The following WFDC1 variants were observed in gnomAD, a reference collection of about 807,000 sequenced individuals.
WFDC1 encodes WAP four-disulfide core domain 1.
In WFDC1, 39 loss-of-function variants were observed where a neutral mutation model predicts 32.9. That is an observed-to-expected ratio of 1.19 (90% CI 0.92 to 1.55). The LOEUF is 1.55. Among genes scored for constraint, WFDC1 ranks in the 40% most tolerant of loss-of-function variants. The pLI, the probability that WFDC1 is intolerant of heterozygous loss-of-function variation, is 0.00. For synonymous variants in WFDC1, 184 were observed against 137.4 expected, an observed-to-expected ratio of 1.34 and a Z score of -2.37; for missense variants, 386 against 309.5, an observed-to-expected ratio of 1.25 and a Z score of -1.85.
At chr16:84,318,502 C>T in intron 3 of WFDC1, 147 bp downstream of exon 3, 2 of 747,402 alleles carry the variant, frequency 2.7e-6, no homozygotes, top group Non-Finnish European at 4.6e-6. Context: ...TCCTCCCCAC[C>T]CCAGCGAAGA....
intron 2 of WFDC1, 50 bp from the exon 3 acceptor site, chr16:84,318,222 G>T (rs187372): frequency 6.3e-7 from 1 of 1,595,020 alleles, no homozygotes; most frequent in Non-Finnish European, 8.6e-7. Context: ...AAGCCTGGGC[G>T]TTTCTCAGCT....
rs1364525841 is a variant in WFDC1 at position 84,329,419 on chromosome 16, A to G, written c.*113A>G. ...CAGTTCACATTCAGCTCAGCAGAGC[A>G]AGACCCCAGAGATGCTTAGAGACAG... On this transcript the variant is annotated 3_prime_UTR_variant, in exon 7 of 7. Coordinates refer to ENST00000219454, the MANE Select transcript of WFDC1 (RefSeq NM_021197.4). 6.6e-6 allele frequency: 1 copy of G among 152,174 alleles called. No individual in the cohort carries two copies. Among genetic ancestry groups the G allele is most frequent in the Non-Finnish European group, 1.5e-5 (1 of 68,038 alleles). 9.4% of individuals were successfully genotyped at this position (152,174 alleles called of 1,614,324 possible).
At position 84,312,958 on chromosome 16, in the gene WFDC1, C is replaced by G; in HGVS notation, c.145-3C>G. 8.6e-7 allele frequency: 1 copy of G among 1,156,684 alleles called. No homozygotes were observed. The highest frequency in any genetic ancestry group is 4.2e-5 in the East Asian group (1 of 23,860). The allele number at this position is 1,156,684 out of a possible 1,614,324, so 71.7% of individuals were successfully genotyped here. ...AGCTGCTGACACCGCCCTCTCCCCGCAGGCCGAGGAGGCGGGCGCGCCCGG... is the reference window on the plus strand; with the variant it reads ...AGCTGCTGACACCGCCCTCTCCCCGGAGGCCGAGGAGGCGGGCGCGCCCGG... On this transcript the variant is annotated splice_region_variant and splice_polypyrimidine_tract_variant and intron_variant, in intron 1 of 6. Coordinates refer to ENST00000219454, the MANE Select transcript of WFDC1 (RefSeq NM_021197.4).
chr16:84,301,031 C>T (rs1229047127), intron 1 of WFDC1, among the ~76,000 whole-genome samples: 1 of 151,330 alleles, frequency 6.6e-6, no homozygotes, highest in Non-Finnish European at 1.5e-5. Flanking sequence ...GGAGAGAAGG[C>T]CATGCAAAGA....
In WFDC1 at chr16:84,295,112, C is replaced by T; in HGVS notation, c.141C>T (p.Ser47=). 1.2e-6 allele frequency: 2 copies of T among 1,613,724 alleles called. No homozygotes were observed. Among genetic ancestry groups the T allele is most frequent in the Non-Finnish European group, 1.7e-6 (2 of 1,179,782 alleles). The change falls in exon 1 of 7, where the codon TCC becomes TCT. Residue 47 remains serine, a synonymous_variant. Transcript: ENST00000219454. ...RALPARLAEK[S]RAEEAGAPGG... Reference sequence around the variant, plus strand: ...TGCCTGCGAGGCTGGCCGAGAAATCCCGTGTAAGTGCCTGGGATGGGGAGG... The same window carrying T: ...TGCCTGCGAGGCTGGCCGAGAAATCTCGTGTAAGTGCCTGGGATGGGGAGG...
intron 2 of WFDC1, among the ~76,000 whole-genome samples, chr16:84,314,015 G>T (rs437216): frequency 9.5e-4 from 144 of 151,912 alleles, no homozygotes; most frequent in African/African-American, 3.3e-3. Context: ...GCACTCCAGC[G>T]TGGGTGACAA....
At chr16:84,298,457 CT>C (rs1906739898) in intron 1 of WFDC1, among the ~76,000 whole-genome samples, 1 of 152,178 alleles carries the variant, frequency 6.6e-6, no homozygotes, top group South Asian at 2.1e-4. Flanking sequence ...TTGCTATTCT[CT>C]TGGCTCCTGG....
intron 4 of WFDC1, among the ~76,000 whole-genome samples, chr16:84,323,176 C>T (rs1477140305): frequency 2.0e-5 from 3 of 152,164 alleles, no homozygotes; most frequent in Non-Finnish European, 4.4e-5. Context: ...GCTGACCCAC[C>T]GGAGGGCCTG....
At chr16:84,323,859 G>A (rs558005434) in intron 4 of WFDC1, among the ~76,000 whole-genome samples, 2 of 152,246 alleles carry the variant, frequency 1.3e-5, no homozygotes, top group Non-Finnish European at 2.9e-5. Flanking sequence ...GGCGGCTCAC[G>A]CCTGTAATCC....
intron 2 of WFDC1, chr16:84,317,293 A>AAAATAAAT (rs57299684): frequency 3.1e-3 from 445 of 144,040 alleles, no homozygotes; most frequent in African/African-American, 9.3e-3. Context: ...ACTCTGTCTC[A>AAAATAAAT]AAATAAATAA....
rs758347868 is a variant in WFDC1 at position 84,294,961 on chromosome 16, C to T, written c.-11C>T. 1 of 1,609,566 alleles carries T rather than the reference C, an allele frequency of 6.2e-7. No individual in the cohort carries two copies. Among genetic ancestry groups the T allele is most frequent in the Non-Finnish European group, 8.5e-7 (1 of 1,177,646 alleles). ...CTGTGTGCGTCTGGAAGGTCGCTGC[C>T]CAGGGAGGAAATGCCTTTAACCGGC... On this transcript the variant is annotated 5_prime_UTR_variant, in exon 1 of 7. Coordinates refer to ENST00000219454, the MANE Select transcript of WFDC1 (RefSeq NM_021197.4).
intron 2 of WFDC1, among the ~76,000 whole-genome samples, chr16:84,314,041 C>CAA (rs11296589): frequency 6.8e-6 from 1 of 147,958 alleles, no homozygotes; most frequent in African/African-American, 2.5e-5. Context: ...GACTCTGTCT[C>CAA]AAAAAAAAAA....
chr16:84,329,226 T>G (rs887461446), intron 6 of WFDC1, 96 bp from the exon 7 acceptor site: 1 of 152,456 alleles, frequency 6.6e-6, no homozygotes, highest in Non-Finnish European at 1.5e-5. Context: ...GATTTGTGAC[T>G]CTGTGGTCTG....
At chr16:84,316,294 C>T (rs753358790) in intron 2 of WFDC1, 1 of 152,162 alleles carries the variant, frequency 6.6e-6, no homozygotes, top group Non-Finnish European at 1.5e-5. Context: ...AAAAAGCTAA[C>T]CAGCATTTTT....
chr16:84,295,288 C>T (rs1219623625), intron 1 of WFDC1, 173 bp downstream of exon 1: 3 of 773,140 alleles, frequency 3.9e-6, no homozygotes, highest in African/African-American at 1.8e-5. Flanking sequence ...ATGGGGCTCA[C>T]CCCCAAAAAA....
chr16:84,308,163 C>A (rs1035290729), intron 1 of WFDC1, among the ~76,000 whole-genome samples: 6 of 152,170 alleles, frequency 3.9e-5, no homozygotes, highest in African/African-American at 1.2e-4. Flanking sequence ...CACCACCCCC[C>A]GCTCCTGCTT....
At chr16:84,318,189 A>G in intron 2 of WFDC1, 83 bp from the exon 3 acceptor site, 1 of 1,302,482 alleles carries the variant, frequency 7.7e-7, no homozygotes, top group Non-Finnish European at 1.1e-6. Context: ...TGCTGTCATG[A>G]AGTTGGGGTG....
At chr16:84,308,969 C>T (rs373136472) in intron 1 of WFDC1, among the ~76,000 whole-genome samples, 1 of 152,140 alleles carries the variant, frequency 6.6e-6, no homozygotes, top group African/African-American at 2.4e-5. Context: ...TCAGGATACC[C>T]CAGGAGGGAA....
chr16:84,314,307 A>G (rs1907824819), intron 2 of WFDC1, among the ~76,000 whole-genome samples: 1 of 152,192 alleles, frequency 6.6e-6, no homozygotes, highest in Non-Finnish European at 1.5e-5. Context: ...GTAGACAAGT[A>G]GCTATTTCCT....
Sources: gnomAD v4.1 joint callset for allele counts (sites outside exome capture counted in the v4.1 genomes callset) on GRCh38, gnomAD v4.1.1 for gene constraint, MANE v1.5 for transcripts, NCBI Gene and HGNC (gene_info 2026-07-23, HGNC 2026-07-21) for gene names.